Variants in LRP2BP observed in about 807,000 individuals in gnomAD.
LRP2BP encodes the protein LRP2 binding protein.
Under a neutral mutation model 45.2 loss-of-function variants are expected in LRP2BP, and 38 were observed. The ratio of observed to expected loss-of-function variants is 0.84; its 90% CI spans 0.65 to 1.10. The LOEUF (loss-of-function observed/expected upper bound fraction) is 1.10. Among genes scored for constraint, LRP2BP ranks in the 50% least tolerant of loss-of-function variants. The pLI is 0.00. For synonymous variants in LRP2BP, 153 were observed against 153.9 expected, an observed-to-expected ratio of 0.99 and a Z score of 0.04; for missense variants, 385 against 418.9, an observed-to-expected ratio of 0.92 and a Z score of 0.71.
intron 4 of LRP2BP, 126 bp downstream of exon 4, chr4:185,375,487 A>AATAAATATAT (rs2095431449): frequency 8.3e-5 from 1 of 12,010 alleles, no homozygotes; most frequent in Non-Finnish European, 1.5e-4. Context: ...AAAAAAAAAA[A>AATAAATATAT]ATATATATAT....
upstream of LRP2BP, chr4:185,397,068 A>G (rs2095505439): frequency 6.2e-6 from 10 of 1,609,526 alleles, no homozygotes; most frequent in Non-Finnish European, 8.5e-6. Context: ...GCTGGTTGTG[A>G]AGGGCGGGGA....
intron 8 of LRP2BP, among the ~76,000 whole-genome samples, chr4:185,370,343 A>G (rs1413249587): frequency 6.6e-6 from 1 of 152,198 alleles, no homozygotes; most frequent in Non-Finnish European, 1.5e-5. Context: ...TCTAGATGAA[A>G]GAAAAACTGT....
At chr4:185,367,396 C>G (rs140415446) in intron 8 of LRP2BP, 151 bp from the exon 9 acceptor site, 151 of 614,640 alleles carry the variant, frequency 2.5e-4, no homozygotes, top group African/African-American at 2.4e-3. Context: ...ATTCTGATGT[C>G]CTACTTTAAC....
intron 3 of LRP2BP, among the ~76,000 whole-genome samples, chr4:185,376,443 C>CTTTTTTTTTTTTTTTTTTTTTTTTTTT (rs34024562): frequency 9.4e-6 from 1 of 105,824 alleles, no homozygotes; most frequent in African/African-American, 3.9e-5. Flanking sequence ...TGCCCAGCTA[C>CTTTTTTTTTTTTTTTTTTTTTTTTTTT]TTTTTTTTTT....
upstream of LRP2BP, chr4:185,397,091 G>C: frequency 3.1e-6 from 5 of 1,609,770 alleles, no homozygotes; most frequent in Non-Finnish European, 4.2e-6. Context: ...TTTCCAGCCC[G>C]GAGGGGCGCG....
intron 1 of LRP2BP, among the ~76,000 whole-genome samples, chr4:185,387,805 A>G (rs2095476015): frequency 6.6e-6 from 1 of 152,148 alleles, no homozygotes; most frequent in Admixed American, 6.5e-5. Flanking sequence ...TTCACACCAG[A>G]GCTCGAGAAG....
At chr4:185,394,497 G>A (rs1043507884) in intron 1 of LRP2BP, among the ~76,000 whole-genome samples, 1 of 152,122 alleles carries the variant, frequency 6.6e-6, no homozygotes, top group Non-Finnish European at 1.5e-5. Context: ...ACCTATGAGC[G>A]TTAGTCTTGA....
Position 185,367,360 on chromosome 4 carries a change from C to T in LRP2BP, c.979-115G>A, listed in dbSNP as rs77624707. ...AAGAATAGTAAAGTACAGTGAATTT[C>T]AAGAAAATTTGTTAAGATACTTTCT... On this transcript the variant is annotated intron_variant, in intron 8 of 8. Coordinates refer to ENST00000505916, the MANE Select transcript of LRP2BP (RefSeq NM_001377440.1). The T allele has an allele frequency of 2.7e-3, 2,377 of 888,630 alleles. 37 individuals carry two copies. The African/African-American group carries it at 0.037, about 14-fold the overall frequency. 55.0% of individuals were successfully genotyped at this position (888,630 alleles called of 1,614,324 possible).
intron 1 of LRP2BP, among the ~76,000 whole-genome samples, chr4:185,387,264 T>C (rs748265250): frequency 7.2e-5 from 11 of 152,148 alleles, no homozygotes; most frequent in Non-Finnish European, 1.3e-4. Context: ...CCGTGTGAAC[T>C]GTGGATTATG....
intron 7 of LRP2BP, chr4:185,371,082 T>G (rs563024380): frequency 2.3e-4 from 76 of 336,266 alleles, no homozygotes; most frequent in African/African-American, 1.5e-3. Context: ...TTCTTTTTTC[T>G]TCTAATATTA....
Position 185,370,698 on chromosome 4 carries a change from AGAC to A in LRP2BP, c.917_919del (p.Cys306_Leu307delinsPhe), listed in dbSNP as rs781469283. Reference sequence around the variant, plus strand: ...CCTGGTGATGCCCAAGCCAAGCTGAAGACACCTTGCGTGGTAGAAGGATGCCAT... The same window carrying A: ...CCTGGTGATGCCCAAGCCAAGCTGAAACCTTGCGTGGTAGAAGGATGCCAT... On this transcript the variant is annotated inframe_deletion, in exon 8 of 9. Coordinates refer to ENST00000505916, the MANE Select transcript of LRP2BP (RefSeq NM_001377440.1). 5 of 1,614,074 alleles carry A rather than the reference AGAC, an allele frequency of 3.1e-6. No individual in the cohort carries two copies. The highest frequency in any genetic ancestry group is 3.4e-6 in the Non-Finnish European group (4 of 1,180,014).
intron 1 of LRP2BP, among the ~76,000 whole-genome samples, chr4:185,384,996 A>T (rs2095466693): frequency 6.9e-6 from 1 of 144,140 alleles, no homozygotes; most frequent in African/African-American, 2.6e-5. Context: ...TGGCAGATTT[A>T]CACCATCAGG....
chr4:185,378,226 A>G lies in LRP2BP; in HGVS notation c.-21-19T>C, dbSNP rs374322289. 33 of 1,603,554 alleles carry G rather than the reference A, an allele frequency of 2.1e-5. 1 individual carries two copies. In the African/African-American group the frequency reaches 4.3e-4, roughly 21 times the overall value. ...GTGTATTCTATAAGCAAGAAGAAAA[A>G]ATAAGTGGTAGAAATTTCTTCCTCC... On this transcript the variant is annotated intron_variant, in intron 1 of 8. Coordinates refer to ENST00000505916, the MANE Select transcript of LRP2BP (RefSeq NM_001377440.1).
intron 4 of LRP2BP, 101 bp downstream of exon 4, chr4:185,375,512 A>ATATATATATATATG (rs1295712295): frequency 1.2e-5 from 1 of 86,204 alleles, no homozygotes; most frequent in Non-Finnish European, 2.0e-5. Flanking sequence ...ATATATATAT[A>ATATATATATATATG]TATGTATATA....
At chr4:185,392,021 G>C (rs2095489596) in intron 1 of LRP2BP, among the ~76,000 whole-genome samples, 1 of 152,114 alleles carries the variant, frequency 6.6e-6, no homozygotes, top group South Asian at 2.1e-4. Flanking sequence ...GCTCATTTTA[G>C]CCTTTTCTAC....
intron 8 of LRP2BP, chr4:185,370,016 C>T (rs969292696): frequency 1.6e-5 from 3 of 183,918 alleles, no homozygotes; most frequent in African/African-American, 2.4e-5. Context: ...CTAAGATGTG[C>T]ACAGCTTTTT....
chr4:185,395,415 A>G lies in LRP2BP; in HGVS notation c.-658T>C, dbSNP rs761668090. 8.1e-6 allele frequency: 8 copies of G among 985,322 alleles called. No homozygotes were observed. The highest frequency in any genetic ancestry group is 4.8e-6 in the Non-Finnish European group (4 of 829,932). The allele number at this position is 985,322 out of a possible 1,614,324, so 61.0% of individuals were successfully genotyped here. A position where few individuals can be genotyped will look rare whatever the true frequency, so the allele number is the denominator to read the frequency against. On this transcript the variant is annotated 5_prime_UTR_variant, in exon 1 of 9. Transcript: ENST00000505916. ...TTCTGTGCAAACCTGAAGCTTCAAC[A>G]CGTGTTTTAAAAAGCAGTGCTTATT...
At position 185,364,503 on chromosome 4, in the gene LRP2BP, A is replaced by G. The variant is rs773472880; in HGVS notation, c.*2677T>C. ...AAAATTCCATTTGAATCCCTGAAAG[A>G]TACTCCCCTCATGCCCTAGGATGTA... On this transcript the variant is annotated 3_prime_UTR_variant, in exon 9 of 9. Transcript: ENST00000505916. 2 of 152,202 alleles carry G rather than the reference A, an allele frequency of 1.3e-5. No individual in the cohort carries two copies. The highest frequency in any genetic ancestry group is 2.9e-5 in the Non-Finnish European group (2 of 68,052). 9.4% of individuals were successfully genotyped at this position (152,202 alleles called of 1,614,324 possible).
intron 8 of LRP2BP, among the ~76,000 whole-genome samples, chr4:185,368,795 GT>G (rs34691416): frequency 4.7e-4 from 63 of 133,014 alleles, no homozygotes; most frequent in Admixed American, 5.3e-4. Context: ...AATCTGTTTT[GT>G]TTTTTTTTTT....
Sources: gnomAD v4.1 joint callset for allele counts (sites outside exome capture counted in the v4.1 genomes callset) on GRCh38, gnomAD v4.1.1 for gene constraint, MANE v1.5 for transcripts, NCBI Gene and HGNC (gene_info 2026-07-23, HGNC 2026-07-21) for gene names.